DLK2: variants seen among roughly 807,000 people sequenced by gnomAD.
DLK2 encodes the protein protein delta homolog 2.
In DLK2, 9 loss-of-function variants were observed where a neutral mutation model predicts 31.3. The observed-to-expected ratio is 0.29, with a 90% CI of 0.17 to 0.50. The LOEUF is 0.50. DLK2 is among the 20% of genes least tolerant of loss of function. The pLI, the probability that DLK2 is intolerant of heterozygous loss-of-function variation, is 0.98. For synonymous variants in DLK2, 169 were observed against 201.2 expected, an observed-to-expected ratio of 0.84 and a Z score of 1.35; for missense variants, 387 against 526.1, an observed-to-expected ratio of 0.74 and a Z score of 2.59.
rs1783843776 is a variant in DLK2 at position 43,453,272 on chromosome 6, A to G, written c.141-137T>C. ...AAGCAGACCTGTCCCAGGTAGGTGT[A>G]GGACTGTGCAGGGTCATAGGACACA... On this transcript the variant is annotated intron_variant, in intron 3 of 5. Transcript: ENST00000372488. The surrounding 1 kb of genome is among the most constrained non-coding windows in gnomAD (Gnocchi z 4.1). 8.8e-7 allele frequency: 1 copy of G among 1,137,770 alleles called. No homozygotes were observed. The highest frequency in any genetic ancestry group is 1.6e-5 in the African/African-American group (1 of 63,920). The allele number at this position is 1,137,770 out of a possible 1,614,324, so 70.5% of individuals were successfully genotyped here.
At position 43,451,523 on chromosome 6, in the gene DLK2, T is replaced by C. The variant is rs148489792; in HGVS notation, c.417-249A>G. Reference sequence around the variant, plus strand: ...AAGGCAGGGCTCAGGGTAAGTGTGCTATTATTATCCTCACAGGCTCCTGGG... The same window carrying C: ...AAGGCAGGGCTCAGGGTAAGTGTGCCATTATTATCCTCACAGGCTCCTGGG... On this transcript the variant is annotated intron_variant, in intron 5 of 5. Transcript: ENST00000372488. This position sits in a 1 kb window ranked among gnomAD's most constrained non-coding sequence, Gnocchi z 4.4. Among the ~76,000 whole-genome samples, 70 of 151,828 alleles carry C rather than the reference T, an allele frequency of 4.6e-4. 1 individual carries two copies. In the East Asian group the frequency reaches 0.013, roughly 28 times the overall value.
upstream of DLK2, chr6:43,455,552 G>A (rs1405293573): frequency 6.6e-6 from 1 of 150,974 alleles, no homozygotes; most frequent in Non-Finnish European, 1.5e-5. Flanking sequence ...GGAATCTGGG[G>A]CTCCAGGCGA....
In DLK2 at chr6:43,453,030, G is replaced by A. The variant is rs1431815061; in HGVS notation, c.246C>T (p.Gly82=). 6.2e-7 allele frequency: 1 copy of A among 1,614,034 alleles called. No homozygotes were observed. Among genetic ancestry groups the A allele is most frequent in the Non-Finnish European group, 8.5e-7 (1 of 1,179,988 alleles). Residue 82 remains glycine (G), a synonymous_variant, in exon 4 of 6, where the codon GGC becomes GGT. Transcript: ENST00000372488. The surrounding 1 kb of genome is among the most constrained non-coding windows in gnomAD (Gnocchi z 4.1). ...HQPWQCICHS[G]WAGKFCDKDE... ...CTTTGTCACAGAACTTGCCTGCCCA[G>A]CCACTGTGGCAGATGCACTGCCATG...
At chr6:43,454,638 G>A (rs1335625735) in intron 2 of DLK2, 112 bp downstream of exon 2, 24 of 1,419,452 alleles carry the variant, frequency 1.7e-5, no homozygotes, top group Non-Finnish European at 2.0e-5. Flanking sequence ...CCTCGGTCTT[G>A]CTTGCCCCGC....
chr6:43,452,635 C>G (rs1783815298), intron 4 of DLK2, among the ~76,000 whole-genome samples: 1 of 152,102 alleles, frequency 6.6e-6, no homozygotes, highest in Non-Finnish European at 1.5e-5. Flanking sequence ...TCACTTGAAC[C>G]CAGGAGGCGG....
chr6:43,454,995 G>T, intron 1 of DLK2, 115 bp from the exon 2 acceptor site: 1 of 1,416,542 alleles, frequency 7.1e-7, no homozygotes, highest in Non-Finnish European at 9.2e-7. Flanking sequence ...AGAAGGGGAT[G>T]GGGGTAGCGG....
In DLK2 at chr6:43,453,320, C is replaced by G. The variant is rs1288869951; in HGVS notation, c.141-185G>C. Among the ~76,000 whole-genome samples the G allele has an allele frequency of 6.6e-6, 1 of 152,230 alleles. No homozygotes were observed. Among genetic ancestry groups the G allele is most frequent in the East Asian group, 1.9e-4 (1 of 5,204 alleles). On this transcript the variant is annotated intron_variant, in intron 3 of 5. Transcript: ENST00000372488. This position sits in a 1 kb window ranked among gnomAD's most constrained non-coding sequence, Gnocchi z 4.1. ...ACATATACGGAATCAGACCATCAGA[C>G]ACCAGCACTCAAACCCTGGTTCTGT...
At chr6:43,452,247 G>T (rs949001112) in intron 4 of DLK2, among the ~76,000 whole-genome samples, 163 bp from the exon 5 acceptor site, 6 of 152,178 alleles carry the variant, frequency 3.9e-5, no homozygotes, top group Non-Finnish European at 7.3e-5. Flanking sequence ...CACTGAATTT[G>T]GAGTCAGGAG....
intron 4 of DLK2, 135 bp downstream of exon 4, chr6:43,452,869 TA>T: frequency 7.4e-7 from 1 of 1,345,262 alleles, no homozygotes; most frequent in Non-Finnish European, 1.0e-6. Context: ...ATAAAAAGTC[TA>T]AGATTTAAAA....
At chr6:43,454,976 C>G in intron 1 of DLK2, 96 bp from the exon 2 acceptor site, 4 of 1,219,772 alleles carry the variant, frequency 3.3e-6, no homozygotes, top group African/African-American at 1.6e-5. Context: ...AGAGGGGCGC[C>G]GGGACAGAAG....
chr6:43,450,527 C>T lies in DLK2; in HGVS notation c.*12G>A. On this transcript the variant is annotated 3_prime_UTR_variant, in exon 6 of 6. Coordinates refer to ENST00000372488, the MANE Select transcript of DLK2 (RefSeq NM_023932.4). The surrounding 1 kb of genome is among the most constrained non-coding windows in gnomAD (Gnocchi z 4.5). ...AGAGGTGAGGAAGGGGGCCAGAAAGCCCCCACCTCCATCACAGTGCTGTGG... is the reference window on the plus strand; with the variant it reads ...AGAGGTGAGGAAGGGGGCCAGAAAGTCCCCACCTCCATCACAGTGCTGTGG... 2.6e-6 allele frequency: 4 copies of T among 1,532,612 alleles called. No individual in the cohort carries two copies. Among genetic ancestry groups the T allele is most frequent in the South Asian group, 2.6e-5 (2 of 77,414 alleles). 94.9% of individuals were successfully genotyped at this position (1,532,612 alleles called of 1,614,324 possible).
Position 43,450,995 on chromosome 6 carries a change from G to A in DLK2, c.696C>T (p.His232=), listed in dbSNP as rs1214749. The A allele has an allele frequency of 0.29, 476,028 of 1,614,030 alleles. 73,727 individuals carry two copies. The highest frequency in any genetic ancestry group is 0.51 in the African/African-American group (37,970 of 74,974). ...CACTGGGGCAGAGGCAGTCGAAGTCGTGGACACGGTCCCGACAGCGGGCCC... is the reference window on the plus strand; with the variant it reads ...CACTGGGGCAGAGGCAGTCGAAGTCATGGACACGGTCCCGACAGCGGGCCC... ...QRGARCRDRV[H]DFDCLCPSGY... The change falls in exon 6 of 6, where the codon CAC becomes CAT. Residue 232 remains histidine (H), a synonymous_variant. Coordinates refer to ENST00000372488, the MANE Select transcript of DLK2 (RefSeq NM_023932.4). This position sits in a 1 kb window ranked among gnomAD's most constrained non-coding sequence, Gnocchi z 4.5.
In DLK2 at chr6:43,450,884, A is replaced by G; in HGVS notation, c.807T>C (p.Ala269=). 1 of 1,614,174 alleles carries G rather than the reference A, an allele frequency of 6.2e-7. No homozygotes were observed. Among genetic ancestry groups the G allele is most frequent in the Non-Finnish European group, 8.5e-7 (1 of 1,179,986 alleles). Residue 269 remains alanine (A), a synonymous_variant, in exon 6 of 6, where the codon GCT becomes GCC. Coordinates refer to ENST00000372488, the MANE Select transcript of DLK2 (RefSeq NM_023932.4). The surrounding 1 kb of genome is among the most constrained non-coding windows in gnomAD (Gnocchi z 4.5). ...CTGGCCCCGTGGCAGGTACCACTAC[A>G]GCTGAGGTGGGCCCTAGAGGGGTGT... ...TVDTPLGPTS[A]VVVPATGPAP... is the part of the protein sequence containing the mutation.
At position 43,450,583 on chromosome 6, in the gene DLK2, G is replaced by A; in HGVS notation, c.1108C>T (p.Pro370Ser). ...CCAGGCTCAGGGGGCAAGTCACGTG[G>A]CAGGGGGAGCCCTGCTGGCAGCATG... Reference protein sequence around the residue: ...VSMLPAGLPLPRDLPPEPGKT... With the variant: ...VSMLPAGLPLSRDLPPEPGKT... The change falls in exon 6 of 6, where the codon CCA becomes TCA. Residue 370 changes from proline (P) to serine (S), a missense_variant. Pro to Ser is a moderately conservative substitution (Grantham distance 74). Transcript: ENST00000372488. This position sits in a 1 kb window ranked among gnomAD's most constrained non-coding sequence, Gnocchi z 4.5. The A allele has an allele frequency of 6.3e-7, 1 of 1,584,022 alleles. No individual in the cohort carries two copies. The highest frequency in any genetic ancestry group is 1.2e-5 in the South Asian group (1 of 85,708).
In DLK2 at chr6:43,453,894, GAA is replaced by G. The variant is rs1294632234; in HGVS notation, c.140+515_140+516del. Among the ~76,000 whole-genome samples the G allele has an allele frequency of 6.6e-6, 1 of 152,196 alleles. No individual in the cohort carries two copies. Among genetic ancestry groups the G allele is most frequent in the East Asian group, 1.9e-4 (1 of 5,202 alleles). ...CATATTTTAAAAGCCCTCCAGGGGT[GAA>G]GAGTCTCAAAGACCCCCAGCCAATT... On this transcript the variant is annotated intron_variant, in intron 3 of 5. Transcript: ENST00000372488. The surrounding 1 kb of genome is among the most constrained non-coding windows in gnomAD (Gnocchi z 4.1).
chr6:43,453,100 C>T lies in DLK2; in HGVS notation c.176G>A (p.Arg59His), dbSNP rs749196185. ...DPGWEGLHCE[R>H]CVRMPGCQHG... Reference sequence around the variant, plus strand: ...CTGGCAGCCAGGCATCCTCACACAGCGCTCACAGTGCAGCCCCTCCCAGCC... The same window carrying T: ...CTGGCAGCCAGGCATCCTCACACAGTGCTCACAGTGCAGCCCCTCCCAGCC... Residue 59 changes from arginine to histidine, a missense_variant, in exon 4 of 6, where the codon CGC (arginine) becomes CAC (histidine). Transcript: ENST00000372488. This position sits in a 1 kb window ranked among gnomAD's most constrained non-coding sequence, Gnocchi z 4.1. The T allele has an allele frequency of 2.6e-5, 42 of 1,613,738 alleles. No homozygotes were observed. The highest frequency in any genetic ancestry group is 9.3e-5 in the African/African-American group (7 of 74,932).
chr6:43,454,808 G>A lies in DLK2; in HGVS notation c.18C>T (p.Arg6=). Residue 6 remains arginine, a synonymous_variant, in exon 2 of 6, where the codon CGC becomes CGT. Transcript: ENST00000372488. ...ACAACAGGCACACGAGATGCAGGCA[G>A]CGGCAGCCGCTGGGCATGGTCAGCG... MPSGC[R]CLHLVCLLCI... 1.3e-6 allele frequency: 2 copies of A among 1,554,254 alleles called. No individual in the cohort carries two copies.
rs762238188 is a variant in DLK2 at position 43,450,868 on chromosome 6, T to G, written c.823A>C (p.Thr275Pro). 1 of 1,614,160 alleles carries G rather than the reference T, an allele frequency of 6.2e-7. No homozygotes were observed. The highest frequency in any genetic ancestry group is 1.1e-5 in the South Asian group (1 of 91,082). ...CCTGCGCTGTGGGGGGCTGGCCCCG[T>G]GGCAGGTACCACTACAGCTGAGGTG... The part of the protein sequence containing the change: ...GPTSAVVVPA[T>P]GPAPHSAGAG... The change falls in exon 6 of 6, where the codon ACG (threonine) becomes CCG (proline). Residue 275 changes from threonine to proline, a missense_variant. Coordinates refer to ENST00000372488, the MANE Select transcript of DLK2 (RefSeq NM_023932.4). This position sits in a 1 kb window ranked among gnomAD's most constrained non-coding sequence, Gnocchi z 4.5.
rs372020515 is a variant in DLK2 at position 43,450,419 on chromosome 6, C to A, written c.*120G>T. On this transcript the variant is annotated 3_prime_UTR_variant, in exon 6 of 6. Transcript: ENST00000372488. The surrounding 1 kb of genome is among the most constrained non-coding windows in gnomAD (Gnocchi z 4.5). Reference sequence around the variant, plus strand: ...TCTGTGTATTAAAAAAATAATATTTCTGGTGTGAGGCTGAGGTCTCCTCTG... The same window carrying A: ...TCTGTGTATTAAAAAAATAATATTTATGGTGTGAGGCTGAGGTCTCCTCTG... 1 of 1,154,540 alleles carries A rather than the reference C, an allele frequency of 8.7e-7. No individual in the cohort carries two copies. Among genetic ancestry groups the A allele is most frequent in the Non-Finnish European group, 1.2e-6 (1 of 842,152 alleles). 71.5% of individuals were successfully genotyped at this position (1,154,540 alleles called of 1,614,324 possible).
Sources: allele counts gnomAD v4.1 joint callset (sites outside exome capture counted in the v4.1 genomes callset), GRCh38; gene constraint gnomAD v4.1.1; non-coding constraint Gnocchi (gnomAD v3.1); transcripts MANE v1.5; gene names NCBI Gene and HGNC (gene_info 2026-07-23, HGNC 2026-07-21).